The following PSTPIP2 variants were observed in gnomAD, a reference collection of about 807,000 sequenced individuals.
PSTPIP2 encodes the protein proline-serine-threonine phosphatase-interacting protein 2.
PSTPIP2 carries 33 observed loss-of-function variants against 63.3 expected under a neutral mutation model. The observed-to-expected ratio is 0.52, with a 90% CI of 0.40 to 0.70. The LOEUF is 0.70. PSTPIP2 is among the 30% of genes least tolerant of loss of function. The pLI is 0.00. For missense variants in PSTPIP2, 312 were observed against 400.7 expected (o/e 0.78, Z 1.89); for synonymous variants, 125 against 132.7 (o/e 0.94, Z 0.40).
At chr18:46,015,316 C>T (rs546539393) in intron 4 of PSTPIP2, among the ~76,000 whole-genome samples, 1 of 152,222 alleles carries the variant, frequency 6.6e-6, no homozygotes, top group South Asian at 2.1e-4. Flanking sequence ...AAGACACTCA[C>T]AACAGGGTCC....
At chr18:46,059,314 T>C (rs1340083633) in intron 1 of PSTPIP2, among the ~76,000 whole-genome samples, 5 of 152,138 alleles carry the variant, frequency 3.3e-5, no homozygotes, top group Non-Finnish European at 7.3e-5. Flanking sequence ...AGTGGCACGA[T>C]CTCAGCTCAC....
intron 3 of PSTPIP2, among the ~76,000 whole-genome samples, chr18:46,019,359 G>A (rs527862820): frequency 5.3e-5 from 8 of 152,064 alleles, no homozygotes; most frequent in Non-Finnish European, 1.0e-4. Flanking sequence ...TCAAAACAAA[G>A]GTTCTTATTT....
chr18:46,067,604 T>C (rs529151175), intron 1 of PSTPIP2, among the ~76,000 whole-genome samples: 11 of 152,272 alleles, frequency 7.2e-5, no homozygotes, highest in Admixed American at 3.9e-4. Context: ...TAAGAGTATA[T>C]TCTTGTAACA....
At chr18:46,064,933 T>C (rs1336081517) in intron 1 of PSTPIP2, among the ~76,000 whole-genome samples, 1 of 151,536 alleles carries the variant, frequency 6.6e-6, no homozygotes, top group Admixed American at 6.6e-5. Context: ...TCACCTGAGG[T>C]CAGGGGTTCA....
chr18:46,019,754 T>C (rs542914280), intron 3 of PSTPIP2, among the ~76,000 whole-genome samples: 40 of 152,200 alleles, frequency 2.6e-4, no homozygotes, highest in African/African-American at 9.2e-4. Context: ...TGAGCCACGA[T>C]TGCACCACTG....
chr18:45,993,305 G>A (rs550211803), intron 10 of PSTPIP2, among the ~76,000 whole-genome samples: 11 of 152,224 alleles, frequency 7.2e-5, no homozygotes, highest in Admixed American at 6.5e-4. Flanking sequence ...ATGTTGGCCA[G>A]GCTGGTCTCA....
intron 1 of PSTPIP2, among the ~76,000 whole-genome samples, chr18:46,047,236 C>T (rs566717098): frequency 3.9e-5 from 6 of 152,206 alleles, no homozygotes; most frequent in Admixed American, 6.5e-5. Context: ...TACAACCAAA[C>T]GGATCAAATT....
chr18:46,013,649 G>A (rs1014157280), intron 4 of PSTPIP2, among the ~76,000 whole-genome samples: 3 of 152,046 alleles, frequency 2.0e-5, no homozygotes, highest in African/African-American at 7.2e-5. Context: ...AAGTGGAAAT[G>A]AGAACTGAGA....
intron 1 of PSTPIP2, among the ~76,000 whole-genome samples, chr18:46,049,821 A>C (rs1253261422): frequency 1.3e-5 from 2 of 152,220 alleles, no homozygotes; most frequent in African/African-American, 2.4e-5. Context: ...TGGAGGTTGC[A>C]GTGAGCTGAG....
At position 46,040,028 on chromosome 18, in the gene PSTPIP2, G is replaced by T; in HGVS notation, c.53C>A (p.Thr18Asn). ...GNFWSADILSTIGYDNIIQHL... is the reference protein window; with the variant it reads ...GNFWSADILSNIGYDNIIQHL... ...TTGGATAATGTTGTCATAGCCGATG[G>T]TGCTGAGGATGTCTGCACTCTGGGG... is the stretch of plus-strand genomic sequence containing the variant. Residue 18 changes from threonine to asparagine, a missense_variant, in exon 2 of 15, where the codon ACC becomes AAC. Physicochemically the swap from Thr to Asn is moderately conservative, Grantham distance 65. Coordinates refer to ENST00000409746, the MANE Select transcript of PSTPIP2 (RefSeq NM_024430.4). 1 of 1,610,866 alleles carries T rather than the reference G, an allele frequency of 6.2e-7. No individual in the cohort carries two copies. Among genetic ancestry groups the T allele is most frequent in the Non-Finnish European group, 8.5e-7 (1 of 1,178,212 alleles).
In PSTPIP2 at chr18:46,035,349, G is replaced by C. The variant is rs565244407; in HGVS notation, c.134+4598C>G. 2.0e-5 allele frequency among the ~76,000 whole-genome samples: 3 copies of C among 151,598 alleles called. No individual in the cohort carries two copies. In the South Asian group the frequency reaches 6.3e-4, roughly 32 times the overall value. On this transcript the variant is annotated intron_variant, in intron 2 of 14. Coordinates refer to ENST00000409746, the MANE Select transcript of PSTPIP2 (RefSeq NM_024430.4). Reference sequence around the variant, plus strand: ...GTGTGAGAATTGTCTGAACCCGGGAGACGGAGGTTGAAGTGAGCTGAGATC... The same window carrying C: ...GTGTGAGAATTGTCTGAACCCGGGACACGGAGGTTGAAGTGAGCTGAGATC...
At chr18:46,063,346 C>T (rs1046462310) in intron 1 of PSTPIP2, among the ~76,000 whole-genome samples, 5 of 152,184 alleles carry the variant, frequency 3.3e-5, no homozygotes, top group Non-Finnish European at 7.4e-5. Flanking sequence ...CAGAAAACCT[C>T]GAAGTGTAAT....
chr18:46,062,617 C>T (rs1909031788), intron 1 of PSTPIP2, among the ~76,000 whole-genome samples: 1 of 152,102 alleles, frequency 6.6e-6, no homozygotes, highest in South Asian at 2.1e-4. Flanking sequence ...CTCTGCCTCC[C>T]AGGTTCAAGC....
In PSTPIP2 at chr18:46,015,430, G is replaced by A. The variant is rs113698632; in HGVS notation, c.247+473C>T. Among the ~76,000 whole-genome samples, 813 of 152,254 alleles carry A rather than the reference G, an allele frequency of 5.3e-3. 9 individuals are homozygous for A. The highest frequency in any genetic ancestry group is 0.014 in the Middle Eastern group (4 of 294). On this transcript the variant is annotated intron_variant, in intron 4 of 14. Transcript: ENST00000409746. ...GGTAGACAGTCTGGCTGAGGCAGGT[G>A]GGGGTGTGGAGGAGCACTTGGATGA...
At chr18:46,011,325 T>C (rs1351851339) in intron 4 of PSTPIP2, 38 bp from the exon 5 acceptor site, 6 of 1,428,140 alleles carry the variant, frequency 4.2e-6, no homozygotes, top group Non-Finnish European at 5.9e-6. Context: ...AAGGTCTACA[T>C]ATGTCTGAAT....
intron 2 of PSTPIP2, chr18:46,028,253 G>A (rs1049528994): frequency 3.9e-5 from 16 of 410,854 alleles, no homozygotes; most frequent in Non-Finnish European, 5.2e-5. Context: ...CTGAGGAGCC[G>A]AATGAAACTG....
In PSTPIP2 at chr18:46,015,916, T is replaced by C. The variant is rs774087130; in HGVS notation, c.234A>G (p.Glu78=). 3 of 1,612,512 alleles carry C rather than the reference T, an allele frequency of 1.9e-6. No homozygotes were observed. Among genetic ancestry groups the C allele is most frequent in the Non-Finnish European group, 1.7e-6 (2 of 1,179,114 alleles). ...SEINTLKRAL[E]VFKQQVDNVA... is the part of the protein sequence containing the mutation. ...AAAATCACTTACGCTGCTTGAAGAC[T>C]TCAAGGGCCCGCTTCAGGGTGCTAA... The change falls in exon 4 of 15, where the codon GAA becomes GAG. Residue 78 remains glutamate (E), a synonymous_variant. Coordinates refer to ENST00000409746, the MANE Select transcript of PSTPIP2 (RefSeq NM_024430.4).
chr18:46,011,355 C>T lies in PSTPIP2; in HGVS notation c.248-68G>A, dbSNP rs2051794863. 3 of 1,239,244 alleles carry T rather than the reference C, an allele frequency of 2.4e-6. No individual in the cohort carries two copies. In the South Asian group the frequency reaches 3.9e-5, roughly 16 times the overall value. 76.8% of individuals were successfully genotyped at this position (1,239,244 alleles called of 1,614,324 possible). A position where few individuals can be genotyped will look rare whatever the true frequency, so the allele number is the denominator to read the frequency against. ...CTGAATTAAAATATATAAAATCATACAAAATAAATATGTATATACAAAATA... is the reference window on the plus strand; with the variant it reads ...CTGAATTAAAATATATAAAATCATATAAAATAAATATGTATATACAAAATA... On this transcript the variant is annotated intron_variant, in intron 4 of 14. Coordinates refer to ENST00000409746, the MANE Select transcript of PSTPIP2 (RefSeq NM_024430.4).
intron 5 of PSTPIP2, among the ~76,000 whole-genome samples, chr18:46,008,673 C>T (rs192744606): frequency 7.9e-5 from 12 of 152,150 alleles, no homozygotes; most frequent in South Asian, 2.1e-4. Context: ...CTTTGGAGAC[C>T]GCTCTCCACA....
Sources: allele counts gnomAD v4.1 joint callset (sites outside exome capture counted in the v4.1 genomes callset), GRCh38; gene constraint gnomAD v4.1.1; transcripts MANE v1.5; gene names NCBI Gene and HGNC (gene_info 2026-07-23, HGNC 2026-07-21).